Variants in AKAP9 observed in about 807,000 individuals in gnomAD.
AKAP9 encodes A-kinase anchor protein 9.
A neutral mutation model predicts 488.5 loss-of-function variants in AKAP9; 311 were observed. The ratio of observed to expected loss-of-function variants is 0.64; its 90% confidence interval spans 0.58 to 0.70. AKAP9 has a LOEUF of 0.70. AKAP9 is among the 30% of genes least tolerant of loss of function. The pLI is 0.00. For missense variants in AKAP9, 4,215 were observed against 4,374.5 expected, an observed-to-expected ratio of 0.96 and a Z score of 1.03; for synonymous variants, 1,462 against 1,483.5, an observed-to-expected ratio of 0.99 and a Z score of 0.33.
At chr7:92,063,228 AAATT>A (rs1382058117) in intron 24 of AKAP9, among the ~76,000 whole-genome samples, 8 of 152,170 alleles carry the variant, frequency 5.3e-5, no homozygotes, top group Non-Finnish European at 1.2e-4. Flanking sequence ...CCAGCTGCTC[AAATT>A]AATTAAACAG....
At chr7:92,022,175 A>G (rs1033184763) in intron 12 of AKAP9, 63 bp from the exon 13 acceptor site, 1 of 1,307,720 alleles carries the variant, frequency 7.6e-7, no homozygotes, top group Non-Finnish European at 1.1e-6. Context: ...TTGCTTTAAT[A>G]CAGCTTTCTA....
chr7:92,071,514 A>C (rs752538103), intron 28 of AKAP9, among the ~76,000 whole-genome samples: 1 of 152,202 alleles, frequency 6.6e-6, no homozygotes, highest in East Asian at 1.9e-4. Flanking sequence ...AAGCAATTAT[A>C]TAAAGTTCTC....
At chr7:92,084,051 C>G (rs1452998608) in intron 33 of AKAP9, among the ~76,000 whole-genome samples, 1 of 152,148 alleles carries the variant, frequency 6.6e-6, no homozygotes, top group Admixed American at 6.5e-5. Flanking sequence ...TGTTTAACTC[C>G]CACTTATGAG....
chr7:91,982,067 C>A (rs1341613753), intron 3 of AKAP9, among the ~76,000 whole-genome samples: 2 of 151,964 alleles, frequency 1.3e-5, no homozygotes, highest in Admixed American at 1.3e-4. Flanking sequence ...CCATATATGC[C>A]CATGAAATTT....
chr7:92,106,113 T>C lies in AKAP9; in HGVS notation c.11416+350T>C, dbSNP rs542245535. The stretch of plus-strand genomic sequence containing the variant: ...GAAAAATTGTCTTCCATGAAATGTG[T>C]CCCTGGTGCCAAAAAGGTTGGGGAC... On this transcript the variant is annotated intron_variant, in intron 47 of 49. Transcript: ENST00000356239. Among the ~76,000 whole-genome samples, 3 of 152,340 alleles carry C rather than the reference T, an allele frequency of 2.0e-5. No individual in the cohort carries two copies. The South Asian group carries it at 6.2e-4, about 32-fold the overall frequency.
intron 14 of AKAP9, among the ~76,000 whole-genome samples, chr7:92,024,272 C>T (rs1013203974): frequency 5.9e-5 from 9 of 151,458 alleles, no homozygotes; most frequent in African/African-American, 2.2e-4. Flanking sequence ...ATTAGCCGGG[C>T]ATGGTGGCAT....
Position 92,023,023 on chromosome 7 carries a change from T to G in AKAP9, c.4148+14T>G. The G allele has an allele frequency of 1.9e-6, 3 of 1,607,998 alleles. No homozygotes were observed. The highest frequency in any genetic ancestry group is 2.6e-6 in the Non-Finnish European group (3 of 1,174,430). ...GGTTCCGCCAAGGTATTCATCTGCT[T>G]ATAGCTTCATTCAACAGTATTTGTA... On this transcript the variant is annotated intron_variant, in intron 14 of 49. Coordinates refer to ENST00000356239, the MANE Select transcript of AKAP9 (RefSeq NM_005751.5).
rs1412129064 is a variant in AKAP9 at position 92,016,133 on chromosome 7, T to C, written c.3617T>C (p.Leu1206Ser). Residue 1206 changes from leucine to serine, a missense_variant, in exon 11 of 50, where the codon TTA becomes TCA. Physicochemically the swap from Leu to Ser is moderately radical, Grantham distance 145 (BLOSUM62 -2). Around this residue, in one of 5 missense-constraint regions of AKAP9, gnomAD observed 2,361 missense variants for 2,430.0 expected, o/e 0.97. Coordinates refer to ENST00000356239, the MANE Select transcript of AKAP9 (RefSeq NM_005751.5). ...SEECSYFLQT[L>S]CSVLGEYYTP... ...ACACAATTTTGTTGTTAACAGACTT[T>C]ATGCAGTGTCCTTGGTGAATATTAT... 6.2e-7 allele frequency: 1 copy of C among 1,602,858 alleles called. No homozygotes were observed. Among genetic ancestry groups the C allele is most frequent in the Non-Finnish European group, 8.5e-7 (1 of 1,170,698 alleles).
intron 7 of AKAP9, among the ~76,000 whole-genome samples, chr7:91,998,186 C>T (rs2299235): frequency 0.4 from 60,722 of 151,932 alleles, 12,434 homozygotes; most frequent in African/African-American, 0.46. Context: ...ACAGAGATCT[C>T]GCTGGTAATG....
intron 24 of AKAP9, 132 bp downstream of exon 24, chr7:92,062,618 G>C: frequency 1.3e-6 from 1 of 770,954 alleles, no homozygotes; most frequent in Non-Finnish European, 2.1e-6. Flanking sequence ...AAAATTATAA[G>C]AAAATCTACC....
chr7:92,040,651 T>C, intron 17 of AKAP9, 23 bp from the exon 18 acceptor site: 1 of 1,456,812 alleles, frequency 6.9e-7, no homozygotes, highest in Non-Finnish European at 9.3e-7. Flanking sequence ...GAATTGTTTT[T>C]TTTTTTTTTT....
intron 1 of AKAP9, among the ~76,000 whole-genome samples, chr7:91,947,991 C>T (rs574100561): frequency 8.9e-4 from 135 of 152,286 alleles, no homozygotes; most frequent in Non-Finnish European, 1.6e-3. Flanking sequence ...CAATCACCAA[C>T]GCACTCTCTG....
intron 45 of AKAP9, among the ~76,000 whole-genome samples, chr7:92,102,167 AAAAAAAT>A (rs200885408): frequency 3.9e-4 from 32 of 82,818 alleles, no homozygotes; most frequent in East Asian, 2.4e-3. Flanking sequence ...TAAATTTAAA[AAAAAAAT>A]AAATAAATAA....
intron 12 of AKAP9, among the ~76,000 whole-genome samples, chr7:92,020,650 A>G (rs1237007359): frequency 6.6e-6 from 1 of 152,214 alleles, no homozygotes; most frequent in Non-Finnish European, 1.5e-5. Flanking sequence ...AACCCTTCAG[A>G]ATAAGAGAAT....
chr7:92,101,545 G>T (rs1371862111), intron 45 of AKAP9, among the ~76,000 whole-genome samples: 1 of 152,176 alleles, frequency 6.6e-6, no homozygotes, highest in Non-Finnish European at 1.5e-5. Context: ...GCATGCCCAG[G>T]ACTGGGACCA....
intron 21 of AKAP9, among the ~76,000 whole-genome samples, chr7:92,046,779 A>G (rs946354609): frequency 4.6e-5 from 7 of 152,230 alleles, no homozygotes; most frequent in African/African-American, 1.7e-4. Flanking sequence ...TGCTTTTTAA[A>G]AAACAATTAT....
At chr7:91,993,185 C>A in intron 5 of AKAP9, 130 bp downstream of exon 5, 1 of 953,872 alleles carries the variant, frequency 1.0e-6, no homozygotes, top group Non-Finnish European at 1.5e-6. Context: ...TTTTCTTCTT[C>A]TTCTTCTTCT....
chr7:92,100,809 C>T, intron 44 of AKAP9, 47 bp from the exon 45 acceptor site: 1 of 1,605,272 alleles, frequency 6.2e-7, no homozygotes, highest in South Asian at 1.1e-5. Flanking sequence ...ATGTTTAGCT[C>T]AGACTTTTCT....
chr7:92,093,939 C>T (rs1362591454), intron 39 of AKAP9, among the ~76,000 whole-genome samples: 1 of 152,038 alleles, frequency 6.6e-6, no homozygotes, highest in Non-Finnish European at 1.5e-5. Flanking sequence ...CAACCTCCAC[C>T]ACCCGGGTTC....
Sources: allele counts gnomAD v4.1 joint callset (sites outside exome capture counted in the v4.1 genomes callset), GRCh38; gene constraint gnomAD v4.1.1; regional missense constraint gnomAD v4.1.1; transcripts MANE v1.5; gene names NCBI Gene and HGNC (gene_info 2026-07-23, HGNC 2026-07-21).